XPO1: variants seen among roughly 807,000 people sequenced by gnomAD.
XPO1 encodes exportin 1.
A neutral mutation model predicts 133.3 loss-of-function variants in XPO1; 5 were observed. The observed-to-expected ratio is 0.04, with a 90% CI of 0.02 to 0.08. The LOEUF is 0.08. Among genes scored for constraint, XPO1 ranks in the 10% least tolerant of loss-of-function variants. The pLI is 1.00. For missense variants in XPO1, 506 were observed against 1,267.5 expected (o/e 0.40, Z 9.12); for synonymous variants, 419 against 408.2 (o/e 1.03, Z -0.32).
chr2:61,517,327 T>C (rs1573196286), intron 4 of XPO1, among the ~76,000 whole-genome samples: 1 of 152,334 alleles, frequency 6.6e-6, no homozygotes, highest in East Asian at 1.9e-4. Flanking sequence ...GATATACCTG[T>C]AACCCCAGCA....
rs1210845619 is a variant in XPO1 at position 61,517,627 on chromosome 2, A to G, written c.301+4984T>C. Among the ~76,000 whole-genome samples the G allele has an allele frequency of 2.6e-5, 4 of 151,772 alleles. No individual in the cohort carries two copies. The East Asian group carries it at 7.7e-4, about 29-fold the overall frequency. ...TAAAAGACTACCATGAATAGCAACC[A>G]CTCTTTATTAGGGAATTCTTCCATT... On this transcript the variant is annotated intron_variant, in intron 4 of 24. Coordinates refer to ENST00000401558, the MANE Select transcript of XPO1 (RefSeq NM_003400.4).
chr2:61,522,718 T>A (rs1277660113), intron 3 of XPO1, 35 bp from the exon 4 acceptor site: 2 of 1,488,296 alleles, frequency 1.3e-6, no homozygotes, highest in Non-Finnish European at 1.9e-6. Flanking sequence ...GTGAATATAT[T>A]GCTTATAGGA....
At chr2:61,527,734 T>C (rs192331982) in intron 2 of XPO1, among the ~76,000 whole-genome samples, 10 of 152,336 alleles carry the variant, frequency 6.6e-5, no homozygotes, top group African/African-American at 1.7e-4. Context: ...TAATTTCATA[T>C]ATAAAATCTT....
rs3771262 is a variant in XPO1, at chr2:61,524,507, T to C, written c.229-1824A>G. Among the ~76,000 whole-genome samples, 609 of 152,270 alleles carry C rather than the reference T, an allele frequency of 4.0e-3. 3 individuals carry two copies. Among genetic ancestry groups the C allele is most frequent in the Admixed American group, 8.6e-3 (132 of 15,276 alleles). ...GGGTTGAAGCAGGGAGCCCAATAAA[T>C]GCTTTGCCCAGGTTAGGTCAAAGGA... On this transcript the variant is annotated intron_variant, in intron 3 of 24. Coordinates refer to ENST00000401558, the MANE Select transcript of XPO1 (RefSeq NM_003400.4).
chr2:61,482,730 C>A, intron 22 of XPO1, 191 bp from the exon 23 acceptor site: 1 of 738,296 alleles, frequency 1.4e-6, no homozygotes, highest in Non-Finnish European at 2.1e-6. Context: ...CTCAGCCTCC[C>A]GAATAGGTGG....
At chr2:61,479,923 G>T (rs189331990) in intron 24 of XPO1, among the ~76,000 whole-genome samples, 45 of 152,142 alleles carry the variant, frequency 3.0e-4, no homozygotes, top group East Asian at 2.9e-3. Flanking sequence ...GGCGTGCAGT[G>T]TTATGATCTC....
intron 4 of XPO1, among the ~76,000 whole-genome samples, chr2:61,521,022 A>C (rs1202483482): frequency 6.6e-6 from 1 of 152,238 alleles, no homozygotes. Context: ...TGTGCTTATT[A>C]ATTTCTCAGT....
chr2:61,521,510 T>C (rs1352487243), intron 4 of XPO1, among the ~76,000 whole-genome samples: 1 of 152,144 alleles, frequency 6.6e-6, no homozygotes, highest in Non-Finnish European at 1.5e-5. Flanking sequence ...AATCAAAGAA[T>C]CCCAAGAAAC....
chr2:61,523,791 G>A (rs1437242570), intron 3 of XPO1, among the ~76,000 whole-genome samples: 2 of 152,134 alleles, frequency 1.3e-5, no homozygotes, highest in African/African-American at 2.4e-5. Flanking sequence ...ACTACATTGT[G>A]CTCAAACAGT....
At chr2:61,535,528 T>A (rs575665443) in intron 1 of XPO1, among the ~76,000 whole-genome samples, 1 of 152,352 alleles carries the variant, frequency 6.6e-6, no homozygotes, top group Admixed American at 6.5e-5. Flanking sequence ...CTGGCTATTT[T>A]ATAACAGCTT....
At chr2:61,531,275 C>A (rs567632018) in intron 2 of XPO1, among the ~76,000 whole-genome samples, 1 of 152,150 alleles carries the variant, frequency 6.6e-6, no homozygotes, top group Non-Finnish European at 1.5e-5. Context: ...GTTATTTCTA[C>A]GCAACTGATT....
At chr2:61,528,153 C>A (rs1558678746) in intron 2 of XPO1, among the ~76,000 whole-genome samples, 1 of 151,916 alleles carries the variant, frequency 6.6e-6, no homozygotes, top group Non-Finnish European at 1.5e-5. Flanking sequence ...TCTTGAACTC[C>A]TGACCTCGTG....
rs1697561752 is a variant in XPO1 at position 61,502,182 on chromosome 2, G to C, written c.363+67C>G. The C allele has an allele frequency of 3.8e-6, 6 of 1,567,980 alleles. No individual in the cohort carries two copies. In the South Asian group the frequency reaches 6.9e-5, roughly 18 times the overall value. On this transcript the variant is annotated intron_variant, in intron 5 of 24. Transcript: ENST00000401558. ...TGACTATGTGTCTTGACAGAATTAGGTTGTAGTCAGACTCAATATCTAAAT... is the reference window on the plus strand; with the variant it reads ...TGACTATGTGTCTTGACAGAATTAGCTTGTAGTCAGACTCAATATCTAAAT...
At position 61,481,227 on chromosome 2, in the gene XPO1, A is replaced by G. The variant is rs1696333212; in HGVS notation, c.3027T>C (p.Pro1009=). ...TGLFSLNQDI[P]AFKEHLRDFL... is the part of the protein sequence containing the mutation. ...AATCTCTTAAATGTTCCTTGAAAGCAGGAATATCTTGATTTAAGCTGAAAA... is the reference window on the plus strand; with the variant it reads ...AATCTCTTAAATGTTCCTTGAAAGCGGGAATATCTTGATTTAAGCTGAAAA... Residue 1009 remains proline, a synonymous_variant, in exon 24 of 25, where the codon CCT becomes CCC. Coordinates refer to ENST00000401558, the MANE Select transcript of XPO1 (RefSeq NM_003400.4). 6.2e-7 allele frequency: 1 copy of G among 1,611,894 alleles called. No homozygotes were observed. Among genetic ancestry groups the G allele is most frequent in the Non-Finnish European group, 8.5e-7 (1 of 1,179,134 alleles).
At chr2:61,500,015 C>T (rs1333651256) in intron 6 of XPO1, 121 bp from the exon 7 acceptor site, 4 of 991,640 alleles carry the variant, frequency 4.0e-6, no homozygotes, top group South Asian at 3.3e-5. Context: ...TCATTTTCTC[C>T]TCCTTTATTA....
At chr2:61,531,008 C>A (rs981952784) in intron 2 of XPO1, among the ~76,000 whole-genome samples, 1 of 152,126 alleles carries the variant, frequency 6.6e-6, no homozygotes, top group African/African-American at 2.4e-5. Flanking sequence ...CATATTTGTA[C>A]ATGGGACTTA....
At position 61,478,046 on chromosome 2, in the gene XPO1, T is replaced by G. The variant is rs549403161; in HGVS notation, c.*774A>C. ...CTCAAAAGCCAGAGTTGTTTTGTTT[T>G]TTAATGAGTTGTTAAAAAGATGCAG... On this transcript the variant is annotated 3_prime_UTR_variant, in exon 25 of 25. Coordinates refer to ENST00000401558, the MANE Select transcript of XPO1 (RefSeq NM_003400.4). The G allele has an allele frequency of 4.3e-6, 1 of 231,884 alleles. No individual in the cohort carries two copies. Among genetic ancestry groups the G allele is most frequent in the Non-Finnish European group, 8.6e-6 (1 of 116,848 alleles). 14.4% of individuals were successfully genotyped at this position (231,884 alleles called of 1,614,324 possible). A position where few individuals can be genotyped will look rare whatever the true frequency, so the allele number is the denominator to read the frequency against.
chr2:61,512,188 T>C (rs1698130270), intron 4 of XPO1, among the ~76,000 whole-genome samples: 1 of 152,226 alleles, frequency 6.6e-6, no homozygotes, highest in African/African-American at 2.4e-5. Flanking sequence ...TAACATTGTA[T>C]TCTGTGGGAT....
At chr2:61,484,791 GATA>G (rs1232248179) in intron 20 of XPO1, 3 of 152,496 alleles carry the variant, frequency 2.0e-5, no homozygotes, top group African/African-American at 7.2e-5. Context: ...ACCACACCCG[GATA>G]ATTTTTTGTA....
Sources: gnomAD v4.1 joint callset for allele counts (sites outside exome capture counted in the v4.1 genomes callset) on GRCh38, gnomAD v4.1.1 for gene constraint, MANE v1.5 for transcripts, NCBI Gene and HGNC (gene_info 2026-07-23, HGNC 2026-07-21) for gene names.